SOX6: variants seen among roughly 807,000 people sequenced by gnomAD.
The protein encoded by SOX6 is transcription factor SOX-6.
In SOX6, 11 loss-of-function variants were observed where a neutral mutation model predicts 97.8. The ratio of observed to expected loss-of-function variants is 0.11; its 90% CI spans 0.07 to 0.19. The LOEUF (loss-of-function observed/expected upper bound fraction) is 0.19, where lower values mean the gene tolerates loss of function less well. SOX6 is among the 10% of genes least tolerant of loss of function. SOX6 has a pLI of 1.00. For synonymous variants in SOX6, 360 were observed against 371.4 expected (o/e 0.97, Z 0.35); for missense variants, 810 against 1,039.5 (o/e 0.78, Z 3.04).
chr11:16,491,349 A>G (rs1401374544), intron 4 of SOX6, among the ~76,000 whole-genome samples: 1 of 152,194 alleles, frequency 6.6e-6, no homozygotes, highest in Non-Finnish European at 1.5e-5. Context: ...CATTGCAATA[A>G]ACTATGTAAC....
In SOX6 at chr11:16,605,533, G is replaced by T. The variant is rs1848324615; in HGVS notation, n.609+6548C>A. Among the ~76,000 whole-genome samples, 2 of 152,138 alleles carry T rather than the reference G, an allele frequency of 1.3e-5. No individual in the cohort carries two copies. Among genetic ancestry groups the T allele is most frequent in the African/African-American group, 4.8e-5 (2 of 41,430 alleles). On this transcript the variant is annotated intron_variant and non_coding_transcript_variant, in intron 4 of 5. Transcript: ENST00000524520. This position sits in a 1 kb window ranked among gnomAD's most constrained non-coding sequence, Gnocchi z 5.3. The stretch of plus-strand genomic sequence containing the variant: ...CTGGAGGCAACTCGAGCGGTGTCCC[G>T]AAAAAGTTGCGGCGGAGCGGCGGTG...
At chr11:16,008,749 C>T (rs188098599) in intron 13 of SOX6, among the ~76,000 whole-genome samples, 2 of 152,086 alleles carry the variant, frequency 1.3e-5, no homozygotes, top group African/African-American at 2.4e-5. Context: ...GAGAGCTGCA[C>T]TTTATATATA....
At position 16,341,086 on chromosome 11, in the gene SOX6, C is replaced by G; in HGVS notation, c.163G>C (p.Glu55Gln). The G allele has an allele frequency of 6.2e-7, 1 of 1,613,454 alleles. No individual in the cohort carries two copies. The highest frequency in any genetic ancestry group is 8.5e-7 in the Non-Finnish European group (1 of 1,179,580). The change falls in exon 2 of 16, where the codon GAG (glutamate) becomes CAG (glutamine). Residue 55 changes from glutamate to glutamine, a missense_variant. By Grantham distance (29) the Glu-to-Gln change is conservative. Transcript: ENST00000683767. ...ATGGTACTGACAAGTGTTGGTAGCTCCTCAGAGTGAGGTTTGTTGTGCATT... is the reference window on the plus strand; with the variant it reads ...ATGGTACTGACAAGTGTTGGTAGCTGCTCAGAGTGAGGTTTGTTGTGCATT... ...PIMHNKPHSE[E>Q]LPTLVSTIQQ...
intron 1 of SOX6, among the ~76,000 whole-genome samples, chr11:16,343,819 T>A (rs1020780377): frequency 6.6e-6 from 1 of 151,966 alleles, no homozygotes; most frequent in African/African-American, 2.4e-5. Flanking sequence ...CATTCAGGAA[T>A]GCTACCTATT....
At chr11:16,233,008 T>C (rs755152665) in intron 4 of SOX6, among the ~76,000 whole-genome samples, 20 of 152,180 alleles carry the variant, frequency 1.3e-4, no homozygotes, top group Non-Finnish European at 8.8e-5. Flanking sequence ...GATTTATTAA[T>C]TATTTGCTGG....
At chr11:16,624,472 G>A (rs868491929) in intron 3 of SOX6, among the ~76,000 whole-genome samples, 1 of 151,046 alleles carries the variant, frequency 6.6e-6, no homozygotes, top group Admixed American at 6.6e-5. Context: ...CACCGTGCCC[G>A]GCCCATTTTT....
At chr11:16,048,484 T>C (rs1847600038) in intron 11 of SOX6, among the ~76,000 whole-genome samples, 1 of 152,158 alleles carries the variant, frequency 6.6e-6, no homozygotes, top group African/African-American at 2.4e-5. Flanking sequence ...GAGTAACATG[T>C]GAGAGGACCT....
At chr11:16,127,649 C>T (rs975529000) in intron 6 of SOX6, among the ~76,000 whole-genome samples, 5 of 152,032 alleles carry the variant, frequency 3.3e-5, no homozygotes, top group Admixed American at 1.3e-4. Context: ...TTTTATTTTT[C>T]CTTAATCATC....
chr11:16,391,994 C>T (rs34737838), intron 1 of SOX6, among the ~76,000 whole-genome samples: 47,192 of 151,662 alleles, frequency 0.31, 8,319 homozygotes, highest in Non-Finnish European at 0.4. Context: ...AACAATGGTA[C>T]ATATATAGTA....
At chr11:16,391,246 G>C (rs987114616) in intron 1 of SOX6, among the ~76,000 whole-genome samples, 1 of 152,090 alleles carries the variant, frequency 6.6e-6, no homozygotes, top group Non-Finnish European at 1.5e-5. Context: ...TAGGTGACAG[G>C]TTGATGGTTG....
chr11:16,146,747 A>G (rs1282340612), intron 6 of SOX6, among the ~76,000 whole-genome samples: 1 of 152,226 alleles, frequency 6.6e-6, no homozygotes, highest in East Asian at 1.9e-4. Context: ...CAGACACATG[A>G]AAAAATGCTC....
intron 15 of SOX6, among the ~76,000 whole-genome samples, chr11:15,979,356 A>G (rs537315647): frequency 4.0e-5 from 6 of 151,768 alleles, no homozygotes; most frequent in South Asian, 2.1e-4. Flanking sequence ...ACCACCATCA[A>G]CTCCAATCTG....
chr11:16,153,190 G>A (rs1481880304), intron 6 of SOX6, among the ~76,000 whole-genome samples: 1 of 151,654 alleles, frequency 6.6e-6, no homozygotes, highest in Non-Finnish European at 1.5e-5. Flanking sequence ...GTATTTTTTA[G>A]TAGAGATGGG....
chr11:16,240,970 T>A (rs1418069698), intron 3 of SOX6, among the ~76,000 whole-genome samples: 3 of 148,566 alleles, frequency 2.0e-5, no homozygotes, highest in Non-Finnish European at 4.5e-5. Flanking sequence ...AATAAAAAAA[T>A]TACTAATTAT....
chr11:16,501,543 A>C (rs1860709300), intron 4 of SOX6, among the ~76,000 whole-genome samples: 1 of 151,904 alleles, frequency 6.6e-6, no homozygotes, highest in Admixed American at 6.6e-5. Context: ...ATGGGAGAAA[A>C]TTTTTGCAAT....
intron 6 of SOX6, among the ~76,000 whole-genome samples, chr11:16,127,750 G>A (rs1314984827): frequency 6.6e-6 from 1 of 152,088 alleles, no homozygotes; most frequent in Non-Finnish European, 1.5e-5. Flanking sequence ...TATAGAAAGT[G>A]TGTAATAAAC....
chr11:16,727,014 A>G (rs1211293887), intron 2 of SOX6, among the ~76,000 whole-genome samples: 3 of 152,146 alleles, frequency 2.0e-5, no homozygotes, highest in African/African-American at 7.2e-5. Context: ...ATCCAATTTT[A>G]CTTACTTGTG....
chr11:16,055,547 T>G (rs1847793193), intron 10 of SOX6, among the ~76,000 whole-genome samples: 2 of 152,240 alleles, frequency 1.3e-5, no homozygotes, highest in Non-Finnish European at 2.9e-5. Flanking sequence ...CAGATTGAGG[T>G]AAAGATCTCA....
chr11:16,427,271 C>T lies in SOX6; in HGVS notation c.-5+49044G>A, dbSNP rs540004437. Among the ~76,000 whole-genome samples, 239 of 149,500 alleles carry T rather than the reference C, an allele frequency of 1.6e-3. 2 individuals carry two copies. Among genetic ancestry groups the T allele is most frequent in the Non-Finnish European group, 2.9e-3 (195 of 67,552 alleles). On this transcript the variant is annotated intron_variant, in intron 1 of 15. Coordinates refer to the SOX6 transcript ENST00000396356. ...AGCATCCATAAGGAGCTTAAATTTA[C>T]AAGAAAAAACAAACAACCCCACTAA...
Sources: gnomAD v4.1 joint callset for allele counts (sites outside exome capture counted in the v4.1 genomes callset) on GRCh38, gnomAD v4.1.1 for gene constraint, Gnocchi (gnomAD v3.1) non-coding constraint, MANE v1.5 for transcripts, NCBI Gene and HGNC (gene_info 2026-07-23, HGNC 2026-07-21) for gene names.